The following GPR89A variants were observed in gnomAD, a reference collection of about 807,000 sequenced individuals.
GPR89A encodes G protein-coupled receptor 89A.
In GPR89A, 16 loss-of-function variants were observed where a neutral mutation model predicts 52.0. The observed-to-expected ratio is 0.31, with a 90% CI of 0.21 to 0.47. The LOEUF (loss-of-function observed/expected upper bound fraction) is 0.47. Among genes scored for constraint, GPR89A ranks in the 20% least tolerant of loss-of-function variants. The pLI, the probability that GPR89A is intolerant of heterozygous loss-of-function variation, is 1.00. For synonymous variants in GPR89A, 55 were observed against 150.9 expected (o/e 0.36, Z 4.66); for missense variants, 135 against 449.4 (o/e 0.30, Z 6.33).
chr1:145,617,284 C>A (rs1553687196), intron 2 of GPR89A, among the ~76,000 whole-genome samples: 2 of 152,196 alleles, frequency 1.3e-5, no homozygotes, highest in Non-Finnish European at 2.9e-5. Flanking sequence ...TGACTCTATT[C>A]TGCCCAACCC....
chr1:145,660,586 A>G (rs1380437547), intron 10 of GPR89A, among the ~76,000 whole-genome samples: 20 of 152,310 alleles, frequency 1.3e-4, no homozygotes, highest in African/African-American at 4.8e-4. Flanking sequence ...CAGAATCTAC[A>G]ATGAACTCAA....
intron 5 of GPR89A, among the ~76,000 whole-genome samples, chr1:145,627,858 C>T (rs1649621158): frequency 6.6e-6 from 1 of 151,316 alleles, no homozygotes; most frequent in Non-Finnish European, 1.5e-5. Flanking sequence ...AGCAAGAAGG[C>T]ACAGGAGACA....
chr1:145,617,631 T>C (rs1648812436), intron 2 of GPR89A, among the ~76,000 whole-genome samples: 1 of 152,084 alleles, frequency 6.6e-6, no homozygotes, highest in Non-Finnish European at 1.5e-5. Context: ...TTTTGGGAAC[T>C]AATAAATGTC....
intron 12 of GPR89A, among the ~76,000 whole-genome samples, chr1:145,667,886 G>T (rs1430741999): frequency 6.6e-6 from 1 of 152,086 alleles, no homozygotes; most frequent in South Asian, 2.1e-4. Flanking sequence ...GGTTGTAGAT[G>T]TGTGGTATTA....
chr1:145,614,262 G>A (rs1157915343), intron 1 of GPR89A, among the ~76,000 whole-genome samples: 1 of 152,100 alleles, frequency 6.6e-6, no homozygotes, highest in Non-Finnish European at 1.5e-5. Flanking sequence ...ATCTTCTCCA[G>A]AAAATCTGTC....
chr1:145,625,064 G>A, intron 5 of GPR89A, among the ~76,000 whole-genome samples: 1 of 151,558 alleles, frequency 6.6e-6, no homozygotes, highest in Non-Finnish European at 1.5e-5. Flanking sequence ...ATTGCCTATA[G>A]CAGGAATTTC....
At chr1:145,608,250 C>G (rs1647948406) in intron 1 of GPR89A, 75 bp downstream of exon 1, 7 of 1,579,896 alleles carry the variant, frequency 4.4e-6, no homozygotes, top group Non-Finnish European at 6.1e-6. Context: ...CTCCGCGGTG[C>G]GGGCTGGTCC....
At chr1:145,660,829 GA>G (rs1219041805) in intron 10 of GPR89A, among the ~76,000 whole-genome samples, 3 of 151,430 alleles carry the variant, frequency 2.0e-5, no homozygotes, top group African/African-American at 4.9e-5. Context: ...AGGATGTGGA[GA>G]AACAGGAACA....
intron 5 of GPR89A, among the ~76,000 whole-genome samples, chr1:145,629,393 A>C (rs1259768495): frequency 2.6e-5 from 4 of 152,170 alleles, no homozygotes; most frequent in African/African-American, 9.7e-5. Flanking sequence ...GTTTATGGCT[A>C]ATAGCTATGT....
At chr1:145,616,613 A>G (rs1436447127) in intron 2 of GPR89A, among the ~76,000 whole-genome samples, 6 of 152,194 alleles carry the variant, frequency 3.9e-5, no homozygotes, top group Admixed American at 3.9e-4. Flanking sequence ...TCATTTGTCT[A>G]TCTGGCCCTG....
chr1:145,659,022 T>C (rs1343995571), intron 10 of GPR89A, among the ~76,000 whole-genome samples: 4 of 151,830 alleles, frequency 2.6e-5, no homozygotes, highest in Admixed American at 1.3e-4. Flanking sequence ...GGTGATCCAC[T>C]AGCCTCGGCC....
intron 10 of GPR89A, among the ~76,000 whole-genome samples, chr1:145,649,469 G>C (rs1438608081): frequency 6.7e-6 from 1 of 149,362 alleles, no homozygotes; most frequent in African/African-American, 2.5e-5. Context: ...GTTATGATTT[G>C]TATCAGTAGT....
intron 1 of GPR89A, among the ~76,000 whole-genome samples, chr1:145,611,948 C>T (rs1379816138): frequency 6.6e-6 from 1 of 151,948 alleles, no homozygotes; most frequent in Non-Finnish European, 1.5e-5. Flanking sequence ...TGTTCGTTTA[C>T]CTTCATGTAT....
chr1:145,616,392 A>G, intron 2 of GPR89A, 99 bp downstream of exon 2: 1 of 890,914 alleles, frequency 1.1e-6, no homozygotes, highest in Non-Finnish European at 1.8e-6. Context: ...CCAAGATAGG[A>G]AGCTTTTACC....
At chr1:145,628,728 T>A (rs1170924681) in intron 5 of GPR89A, among the ~76,000 whole-genome samples, 1 of 152,240 alleles carries the variant, frequency 6.6e-6, no homozygotes, top group Non-Finnish European at 1.5e-5. Context: ...TTACAATTAC[T>A]AGTGAAAGTA....
At chr1:145,663,775 GATTCTT>G (rs1439954505) in intron 11 of GPR89A, among the ~76,000 whole-genome samples, 1 of 152,092 alleles carries the variant, frequency 6.6e-6, no homozygotes, top group East Asian at 1.9e-4. Context: ...TTCTCTCTGT[GATTCTT>G]ATTAAGCTCT....
At chr1:145,608,319 G>A in intron 1 of GPR89A, 144 bp downstream of exon 1, 1 of 1,275,502 alleles carries the variant, frequency 7.8e-7, no homozygotes, top group Non-Finnish European at 1.1e-6. Context: ...CAGAGAGGGT[G>A]TGCGATTTGC....
intron 5 of GPR89A, among the ~76,000 whole-genome samples, chr1:145,628,900 G>A (rs2101765501): frequency 6.6e-6 from 1 of 152,152 alleles, no homozygotes; most frequent in South Asian, 2.1e-4. Flanking sequence ...TAAACTCGAA[G>A]CCAAGAACAG....
chr1:145,645,642 C>G, intron 8 of GPR89A: 1 of 453,888 alleles, frequency 2.2e-6, no homozygotes, highest in Non-Finnish European at 4.4e-6. Flanking sequence ...ATTTAACTCT[C>G]TGAGCTTCAC....
Sources: gnomAD v4.1 joint callset for allele counts (sites outside exome capture counted in the v4.1 genomes callset) on GRCh38, gnomAD v4.1.1 for gene constraint, MANE v1.5 for transcripts, NCBI Gene and HGNC (gene_info 2026-07-23, HGNC 2026-07-21) for gene names.